The following THAP12 variants were observed in gnomAD, a reference collection of about 807,000 sequenced individuals.
THAP12 encodes 52 kDa repressor of the inhibitor of the protein kinase.
Under a neutral mutation model 63.0 loss-of-function variants are expected in THAP12, and 20 were observed. That is an observed-to-expected ratio of 0.32 (90% confidence interval 0.22 to 0.46). The LOEUF (loss-of-function observed/expected upper bound fraction) is 0.46. Ranked by LOEUF, THAP12 falls within the 20% of genes least tolerant of loss-of-function variation. THAP12 has a pLI of 1.00. For synonymous variants in THAP12, 264 were observed against 328.4 expected (o/e 0.80, Z 2.12); for missense variants, 568 against 908.2 (o/e 0.63, Z 4.81).
At chr11:76,354,972 G>A (rs1241603786) in intron 4 of THAP12, among the ~76,000 whole-genome samples, 1 of 152,118 alleles carries the variant, frequency 6.6e-6, no homozygotes, top group Non-Finnish European at 1.5e-5. Flanking sequence ...CTTATCTCAC[G>A]GCTATTGTGA....
At chr11:76,360,576 C>T (rs1013712351) in intron 3 of THAP12, among the ~76,000 whole-genome samples, 2 of 152,192 alleles carry the variant, frequency 1.3e-5, no homozygotes, top group Non-Finnish European at 1.5e-5. Context: ...CATTCCATGT[C>T]TCCACTTTTA....
chr11:76,358,205 A>C (rs571637835), intron 3 of THAP12: 5 of 152,198 alleles, frequency 3.3e-5, no homozygotes, highest in African/African-American at 4.8e-5. Context: ...GAAAAAAAAA[A>C]AAAAGATACC....
chr11:76,378,758 C>T (rs1394946037), intron 1 of THAP12, among the ~76,000 whole-genome samples: 1 of 152,090 alleles, frequency 6.6e-6, no homozygotes, highest in Non-Finnish European at 1.5e-5. Context: ...CAGGCACGCA[C>T]CACTGGGCTC....
At chr11:76,369,258 G>A (rs917326380) in intron 1 of THAP12, among the ~76,000 whole-genome samples, 34 of 152,208 alleles carry the variant, frequency 2.2e-4, no homozygotes, top group African/African-American at 7.7e-4. Flanking sequence ...GGGAGAAGGT[G>A]AAGTAACTTT....
At chr11:76,376,542 C>T (rs1225606716) in intron 1 of THAP12, among the ~76,000 whole-genome samples, 1 of 151,346 alleles carries the variant, frequency 6.6e-6, no homozygotes, top group Admixed American at 6.6e-5. Flanking sequence ...CAAAGATGCC[C>T]ATCTGTCAGG....
chr11:76,354,988 AAATT>A (rs1400236211), intron 4 of THAP12, among the ~76,000 whole-genome samples: 1 of 152,250 alleles, frequency 6.6e-6, no homozygotes, highest in South Asian at 2.1e-4. Flanking sequence ...TGTGAGAATT[AAATT>A]AATTAATACA....
Position 76,352,377 on chromosome 11 carries a change from T to C in THAP12, c.773A>G (p.His258Arg). 2 of 1,612,022 alleles carry C rather than the reference T, an allele frequency of 1.2e-6. No homozygotes were observed. The highest frequency in any genetic ancestry group is 1.7e-6 in the Non-Finnish European group (2 of 1,179,846). The change falls in exon 5 of 5, where the codon CAC (histidine) becomes CGC (arginine). Residue 258 changes from histidine to arginine, a missense_variant. Transcript: ENST00000260045. ...EETLREVRDSHFFSIITDDVV... is the reference protein window; with the variant it reads ...EETLREVRDSRFFSIITDDVV... The stretch of plus-strand genomic sequence containing the variant: ...ATCGTCAGTGATAATGGAAAAGAAG[T>C]GTGAGTCTCTCACTTCCCTGAGAGT...
rs142319215 is a variant in THAP12 at position 76,374,115 on chromosome 11, C to T, written c.89+6633G>A. On this transcript the variant is annotated intron_variant, in intron 1 of 4. Transcript: ENST00000260045. ...ATATGAAGAAAATCTAGCCTCATAACGATATGCAGTTAAAAAGGTTATTAC... is the reference window on the plus strand; with the variant it reads ...ATATGAAGAAAATCTAGCCTCATAATGATATGCAGTTAAAAAGGTTATTAC... 5.6e-4 allele frequency among the ~76,000 whole-genome samples: 86 copies of T among 152,224 alleles called. 1 individual carries two copies. Among genetic ancestry groups the T allele is most frequent in the African/African-American group, 1.9e-3 (79 of 41,546 alleles).
chr11:76,371,406 G>T (rs1946673385), intron 1 of THAP12, among the ~76,000 whole-genome samples: 1 of 152,072 alleles, frequency 6.6e-6, no homozygotes, highest in Non-Finnish European at 1.5e-5. Flanking sequence ...ATTTCTTGAG[G>T]GAAAGTTTTC....
intron 1 of THAP12, among the ~76,000 whole-genome samples, chr11:76,379,066 A>G (rs1946731186): frequency 6.6e-6 from 1 of 152,140 alleles, no homozygotes; most frequent in Admixed American, 6.5e-5. Context: ...CTGTTCTAGC[A>G]CTTTGGGAGA....
chr11:76,376,054 G>A (rs1946707644), intron 1 of THAP12, among the ~76,000 whole-genome samples: 1 of 152,188 alleles, frequency 6.6e-6, no homozygotes, highest in South Asian at 2.1e-4. Context: ...AGGCTGGAAG[G>A]GCAGGGGAAT....
rs1380762559 is a variant in THAP12, at chr11:76,351,299, G to C, written c.1851C>G (p.Phe617Leu). 6.3e-7 allele frequency: 1 copy of C among 1,583,934 alleles called. No individual in the cohort carries two copies. Among genetic ancestry groups the C allele is most frequent in the Non-Finnish European group, 8.6e-7 (1 of 1,160,322 alleles). The change falls in exon 5 of 5, where the codon TTC becomes TTG. Residue 617 changes from phenylalanine to leucine, a missense_variant. Phe to Leu is a conservative substitution (Grantham distance 22). Coordinates refer to ENST00000260045, the MANE Select transcript of THAP12 (RefSeq NM_004705.4). ...CAGCATGGTGTTCCTCCGACGTATT[G>C]AATTTGAGTTGTCCCATGACTGAGG... is the stretch of plus-strand genomic sequence containing the variant. ...LVPSVMGQLKFNTSEEHHADM... is the reference protein window; with the variant it reads ...LVPSVMGQLKLNTSEEHHADM...
At chr11:76,369,965 T>C (rs892909807) in intron 1 of THAP12, among the ~76,000 whole-genome samples, 1 of 152,240 alleles carries the variant, frequency 6.6e-6, no homozygotes, top group Non-Finnish European at 1.5e-5. Flanking sequence ...TACTGAGTCC[T>C]GCAAGCCCTT....
chr11:76,358,354 A>G (rs1946574919), intron 3 of THAP12: 1 of 152,248 alleles, frequency 6.6e-6, no homozygotes, highest in Non-Finnish European at 1.5e-5. Context: ...ATGGTATATA[A>G]AAGCAAATAG....
chr11:76,376,114 A>T (rs1427085207), intron 1 of THAP12, among the ~76,000 whole-genome samples: 1 of 152,196 alleles, frequency 6.6e-6, no homozygotes, highest in African/African-American at 2.4e-5. Flanking sequence ...TAAATGAAAA[A>T]GTTTTGAAAA....
At chr11:76,353,212 T>C (rs933933680) in intron 4 of THAP12, among the ~76,000 whole-genome samples, 1 of 152,186 alleles carries the variant, frequency 6.6e-6, no homozygotes, top group African/African-American at 2.4e-5. Context: ...TTAACAAGAC[T>C]TTCCACATAT....
chr11:76,369,106 AG>A (rs1247772776), intron 1 of THAP12, among the ~76,000 whole-genome samples: 1 of 152,306 alleles, frequency 6.6e-6, no homozygotes, highest in East Asian at 1.9e-4. Context: ...TATAATAAAA[AG>A]GTTATAAAAA....
chr11:76,363,589 T>TTTTGTTTC (rs1946612499), intron 2 of THAP12, among the ~76,000 whole-genome samples: 1 of 151,580 alleles, frequency 6.6e-6, no homozygotes, highest in Non-Finnish European at 1.5e-5. Context: ...ATCCAGGGGT[T>TTTTGTTTC]TTTGTTTGTT....
intron 1 of THAP12, among the ~76,000 whole-genome samples, chr11:76,378,769 A>C (rs1409921645): frequency 6.6e-6 from 1 of 151,958 alleles, no homozygotes; most frequent in Non-Finnish European, 1.5e-5. Context: ...CACTGGGCTC[A>C]GCTAATTTTT....
Sources: gnomAD v4.1 joint callset for allele counts (sites outside exome capture counted in the v4.1 genomes callset) on GRCh38, gnomAD v4.1.1 for gene constraint, MANE v1.5 for transcripts, NCBI Gene and HGNC (gene_info 2026-07-23, HGNC 2026-07-21) for gene names.